The following VWA3B variants were observed in gnomAD, a reference collection of about 807,000 sequenced individuals.
The protein encoded by VWA3B is von Willebrand factor A domain containing 3B.
VWA3B carries 138 observed loss-of-function variants against 158.3 expected under a neutral mutation model. That is an observed-to-expected ratio of 0.87 (90% CI 0.76 to 1.00). The LOEUF (loss-of-function observed/expected upper bound fraction) is 1.00. Among genes scored for constraint, VWA3B ranks in the 50% least tolerant of loss-of-function variants. The pLI is 0.00. For missense variants in VWA3B, 1,555 were observed against 1,565.1 expected, an observed-to-expected ratio of 0.99 and a Z score of 0.11; for synonymous variants, 596 against 587.3, an observed-to-expected ratio of 1.01 and a Z score of -0.21.
Position 98,290,686 on chromosome 2 carries a change from G to A in VWA3B, c.3157+64G>A, listed in dbSNP as rs764664804. 4.4e-6 allele frequency: 5 copies of A among 1,133,178 alleles called. No homozygotes were observed. The Admixed American group carries it at 1.2e-4, about 26-fold the overall frequency. The allele number at this position is 1,133,178 out of a possible 1,614,324, so 70.2% of individuals were successfully genotyped here. ...AATAATTTGATACTAGGGACAAGAA[G>A]TTTCAACCTGTGCTTTTGCTAGAAC... On this transcript the variant is annotated intron_variant, in intron 23 of 27. Coordinates refer to ENST00000477737, the MANE Select transcript of VWA3B (RefSeq NM_144992.5).
At chr2:98,172,489 G>A (rs1679681175) in intron 8 of VWA3B, among the ~76,000 whole-genome samples, 1 of 152,232 alleles carries the variant, frequency 6.6e-6, no homozygotes, top group Middle Eastern at 3.2e-3. Flanking sequence ...TGACAGGCCA[G>A]GTTGGTCTTG....
chr2:98,270,592 G>A, intron 21 of VWA3B, 90 bp from the exon 22 acceptor site: 2 of 1,343,444 alleles, frequency 1.5e-6, no homozygotes, highest in Non-Finnish European at 2.0e-6. Context: ...AATTTCTTAG[G>A]AAACCATCTT....
chr2:98,271,854 G>A (rs148600228), intron 22 of VWA3B, among the ~76,000 whole-genome samples: 6 of 152,272 alleles, frequency 3.9e-5, no homozygotes, highest in African/African-American at 7.2e-5. Context: ...GTGTGTGGAC[G>A]GTGCTTTGTT....
intron 16 of VWA3B, among the ~76,000 whole-genome samples, chr2:98,234,067 C>T (rs1685509195): frequency 6.6e-6 from 1 of 152,162 alleles, no homozygotes; most frequent in African/African-American, 2.4e-5. Context: ...GGCAGAATTT[C>T]TAGAATGGCT....
chr2:98,274,550 G>A lies in VWA3B; in HGVS notation c.3045+3667G>A, dbSNP rs573513811. 2.0e-5 allele frequency among the ~76,000 whole-genome samples: 3 copies of A among 152,312 alleles called. No homozygotes were observed. In the South Asian group the frequency reaches 6.2e-4, roughly 32 times the overall value. On this transcript the variant is annotated intron_variant, in intron 22 of 27. Transcript: ENST00000477737. ...AAAGAAACAGCCTGGGCTCAGGCAG[G>A]GATGTGGGGAAGAACGCGGAGTGTT...
At chr2:98,160,566 C>A (rs1013145083) in intron 7 of VWA3B, among the ~76,000 whole-genome samples, 4 of 152,216 alleles carry the variant, frequency 2.6e-5, no homozygotes, top group Non-Finnish European at 4.4e-5. Flanking sequence ...TCCTTTGACC[C>A]TGCCCTGTGG....
chr2:98,291,311 T>C (rs1689482781), intron 23 of VWA3B: 1 of 152,344 alleles, frequency 6.6e-6, no homozygotes, highest in Admixed American at 6.5e-5. Flanking sequence ...CTGGGGGATG[T>C]GATCCCTGAA....
At chr2:98,197,252 G>A (rs1316095086) in intron 12 of VWA3B, among the ~76,000 whole-genome samples, 3 of 152,294 alleles carry the variant, frequency 2.0e-5, no homozygotes, top group East Asian at 3.9e-4. Context: ...GGATTTGGGG[G>A]AGGGAATACT....
In VWA3B at chr2:98,126,496, C is replaced by T. The variant is rs534193318; in HGVS notation, c.703-1743C>T. On this transcript the variant is annotated intron_variant, in intron 5 of 27. Coordinates refer to ENST00000477737, the MANE Select transcript of VWA3B (RefSeq NM_144992.5). Reference sequence around the variant, plus strand: ...TGGGCACTGCCGCAGCTGGAAAACTCGGATAAATAATAGGCCTGCTAAGTG... The same window carrying T: ...TGGGCACTGCCGCAGCTGGAAAACTTGGATAAATAATAGGCCTGCTAAGTG... Among the ~76,000 whole-genome samples, 9 of 152,270 alleles carry T rather than the reference C, an allele frequency of 5.9e-5. No individual in the cohort carries two copies. In the South Asian group the frequency reaches 1.0e-3, roughly 18 times the overall value.
chr2:98,274,131 G>A (rs1435096546), intron 22 of VWA3B, among the ~76,000 whole-genome samples: 2 of 152,050 alleles, frequency 1.3e-5, no homozygotes, highest in East Asian at 1.9e-4. Context: ...TGTCTCCCTG[G>A]GATCTCCCAG....
chr2:98,203,123 A>ATGTG (rs1558669530), intron 12 of VWA3B, among the ~76,000 whole-genome samples: 2 of 151,870 alleles, frequency 1.3e-5, no homozygotes, highest in African/African-American at 2.4e-5. Flanking sequence ...GAGCCACCAC[A>ATGTG]CCCGGCCGGT....
intron 23 of VWA3B, among the ~76,000 whole-genome samples, chr2:98,296,648 G>A (rs959758052): frequency 2.0e-5 from 3 of 152,206 alleles, no homozygotes; most frequent in Non-Finnish European, 4.4e-5. Context: ...GGGAGCTGCT[G>A]CAGCACATGC....
At chr2:98,325,201 A>C in the VWA3B span, among the ~76,000 whole-genome samples, 2 of 152,190 alleles carry the variant, frequency 1.3e-5, no homozygotes, top group Non-Finnish European at 2.9e-5. Context: ...CCCAGAGTAA[A>C]TAGGAAGTAA....
chr2:98,128,181 A>G lies in VWA3B; in HGVS notation c.703-58A>G, dbSNP rs1675533632. On this transcript the variant is annotated intron_variant, in intron 5 of 27. Coordinates refer to ENST00000477737, the MANE Select transcript of VWA3B (RefSeq NM_144992.5). ...TTGTAGAATGGGTATTACTGATGAG[A>G]CTAGTACCAAGCTAGGGCATGTGAG... is the stretch of plus-strand genomic sequence containing the variant. 3 of 1,593,024 alleles carry G rather than the reference A, an allele frequency of 1.9e-6. No homozygotes were observed. In the Admixed American group the frequency reaches 5.0e-5, roughly 27 times the overall value.
chr2:98,217,912 A>G lies in VWA3B; in HGVS notation c.1903A>G (p.Asn635Asp). The G allele has an allele frequency of 6.2e-7, 1 of 1,613,252 alleles. No homozygotes were observed. Among genetic ancestry groups the G allele is most frequent in the African/African-American group, 1.3e-5 (1 of 74,890 alleles). ...QEIPIYTISF[N>D]YNDEIANRFL... ...AATTCCTATTTATACCATCTCCTTC[A>G]ATTACAATGATGAGATTGCAAACAG... The change falls in exon 14 of 28, where the codon AAT becomes GAT. Residue 635 changes from asparagine (N) to aspartate (D), a missense_variant. Asn to Asp is a conservative substitution (Grantham distance 23, BLOSUM62 1). Transcript: ENST00000477737.
At chr2:98,227,342 C>T (rs1055813515) in intron 14 of VWA3B, among the ~76,000 whole-genome samples, 1 of 152,050 alleles carries the variant, frequency 6.6e-6, no homozygotes, top group East Asian at 1.9e-4. Flanking sequence ...TTACAAGGGA[C>T]GTGAAGGACC....
At chr2:98,280,767 G>C (rs566490389) in intron 22 of VWA3B, among the ~76,000 whole-genome samples, 42 of 152,300 alleles carry the variant, frequency 2.8e-4, no homozygotes, top group African/African-American at 1.0e-3. Context: ...ACATCCCTTT[G>C]GTTTTTAAGG....
the VWA3B span, among the ~76,000 whole-genome samples, chr2:98,323,544 A>G: frequency 6.6e-6 from 1 of 152,118 alleles, no homozygotes; most frequent in East Asian, 1.9e-4. Context: ...ATAACTGAAA[A>G]CTTCCAAAAT....
At chr2:98,250,251 T>C in intron 19 of VWA3B, 67 bp from the exon 20 acceptor site, 2 of 1,112,474 alleles carry the variant, frequency 1.8e-6, no homozygotes, top group Non-Finnish European at 1.3e-6. Context: ...ACTATGTAGA[T>C]GTATTTTCGA....
Sources: allele counts gnomAD v4.1 joint callset (sites outside exome capture counted in the v4.1 genomes callset), GRCh38; gene constraint gnomAD v4.1.1; transcripts MANE v1.5; gene names NCBI Gene and HGNC (gene_info 2026-07-23, HGNC 2026-07-21).